Variants in AFAP1 observed in about 807,000 individuals in gnomAD.
AFAP1 encodes the protein actin filament-associated protein 1.
AFAP1 carries 75 observed loss-of-function variants against 93.9 expected under a neutral mutation model. The observed-to-expected ratio is 0.80, with a 90% CI of 0.66 to 0.97. The LOEUF is 0.97. AFAP1 is among the 50% of genes least tolerant of loss of function. AFAP1 has a pLI of 0.00. For synonymous variants in AFAP1, 517 were observed against 430.7 expected (o/e 1.20, Z -2.48); for missense variants, 1,201 against 1,050.8 (o/e 1.14, Z -1.98).
In AFAP1 at chr4:7,761,205, C is replaced by T. The variant is rs1201524174; in HGVS notation, c.*2560G>A. 1 of 152,214 alleles carries T rather than the reference C, an allele frequency of 6.6e-6. No homozygotes were observed. The highest frequency in any genetic ancestry group is 1.5e-5 in the Non-Finnish European group (1 of 68,022). The allele number at this position is 152,214 out of a possible 1,614,324, so 9.4% of individuals were successfully genotyped here. A position where few individuals can be genotyped will look rare whatever the true frequency, so the allele number is the denominator to read the frequency against. ...TAAATAACTTATTCTGAAGTAAATG[C>T]TTTAAACTTTGATGGAATGTGAAAT... On this transcript the variant is annotated 3_prime_UTR_variant, in exon 18 of 18. Coordinates refer to ENST00000420658, the MANE Select transcript of AFAP1 (RefSeq NM_001134647.2).
chr4:7,842,460 T>C (rs1279763980), intron 5 of AFAP1, among the ~76,000 whole-genome samples: 2 of 151,852 alleles, frequency 1.3e-5, no homozygotes, highest in African/African-American at 2.4e-5. Flanking sequence ...AAACATACTT[T>C]AAAGTTCATA....
chr4:7,901,186 A>G (rs1719094559), intron 1 of AFAP1, among the ~76,000 whole-genome samples: 1 of 152,244 alleles, frequency 6.6e-6, no homozygotes, highest in African/African-American at 2.4e-5. Flanking sequence ...AAATAAGGAT[A>G]ACACATAAGA....
At chr4:7,928,203 G>C (rs1450087417) in intron 1 of AFAP1, among the ~76,000 whole-genome samples, 1 of 152,112 alleles carries the variant, frequency 6.6e-6, no homozygotes, top group Non-Finnish European at 1.5e-5. Flanking sequence ...ACAGCCACCT[G>C]AGCTCTCTAT....
At chr4:7,773,069 A>G (rs1463466932) in intron 15 of AFAP1, 59 bp from the exon 16 acceptor site, 1 of 1,549,178 alleles carries the variant, frequency 6.5e-7, no homozygotes, top group Admixed American at 1.9e-5. Flanking sequence ...CAAACAACAG[A>G]GAAGGCACCT....
intron 1 of AFAP1, among the ~76,000 whole-genome samples, chr4:7,928,361 G>A (rs1019716610): frequency 6.6e-6 from 1 of 152,088 alleles, no homozygotes; most frequent in Non-Finnish European, 1.5e-5. Context: ...ACGTACCCAG[G>A]CTGGGTAAAA....
chr4:7,774,807 A>C lies in AFAP1; in HGVS notation c.1994T>G (p.Leu665Arg). Residue 665 changes from leucine to arginine, a missense_variant, in exon 15 of 18, where the codon CTG (leucine) becomes CGG (arginine). By Grantham distance (102) the Leu-to-Arg change is moderately radical. Coordinates refer to ENST00000420658, the MANE Select transcript of AFAP1 (RefSeq NM_001134647.2). The part of the protein sequence containing the change: ...EEELLKRKEA[L>R]RNRLAQLRKE... ...GCGGAGCTGGGCCAGCCTATTCCGC[A>C]GGGCCTCTTTCCTCTTCAGCAGCTC... 6.2e-7 allele frequency: 1 copy of C among 1,614,242 alleles called. No homozygotes were observed. The highest frequency in any genetic ancestry group is 2.2e-5 in the East Asian group (1 of 44,886).
rs115761167 is a variant in AFAP1 at position 7,857,203 on chromosome 4, G to C, written c.226-1629C>G. Among the ~76,000 whole-genome samples, 278 of 152,268 alleles carry C rather than the reference G, an allele frequency of 1.8e-3. 1 individual carries two copies. Among genetic ancestry groups the C allele is most frequent in the African/African-American group, 6.5e-3 (271 of 41,548 alleles). ...GAAATCTACTCAGTTACAGTTCCAA[G>C]TAGAAAAAGGTTCTATTGAAAGTAT... On this transcript the variant is annotated intron_variant, in intron 3 of 17. Coordinates refer to ENST00000420658, the MANE Select transcript of AFAP1 (RefSeq NM_001134647.2).
intron 11 of AFAP1, among the ~76,000 whole-genome samples, chr4:7,786,623 A>C (rs1577205989): frequency 8.4e-6 from 1 of 119,448 alleles, no homozygotes; most frequent in Admixed American, 8.5e-5. Flanking sequence ...TCCGTCTCTC[A>C]CTGTGGCCCC....
At chr4:7,849,001 G>A (rs1056979645) in intron 4 of AFAP1, among the ~76,000 whole-genome samples, 2 of 152,202 alleles carry the variant, frequency 1.3e-5, no homozygotes, top group Admixed American at 6.5e-5. Context: ...CGGTTAGGGC[G>A]TCACGACTTT....
chr4:7,847,135 C>A (rs1713794270), intron 4 of AFAP1, among the ~76,000 whole-genome samples: 1 of 152,294 alleles, frequency 6.6e-6, no homozygotes, highest in East Asian at 1.9e-4. Context: ...AATGAACTCT[C>A]CAGAAAGTAT....
rs1027175453 is a variant in AFAP1, at chr4:7,873,672, T to C, written c.-2-1592A>G. On this transcript the variant is annotated intron_variant, in intron 1 of 17. Coordinates refer to ENST00000420658, the MANE Select transcript of AFAP1 (RefSeq NM_001134647.2). ...CAACACACACCTTTTTAACGTATCA[T>C]TGAATGACATGGGAAGCACGCATGA... Among the ~76,000 whole-genome samples, 13 of 152,156 alleles carry C rather than the reference T, an allele frequency of 8.5e-5. No homozygotes were observed. In the South Asian group the frequency reaches 1.0e-3, roughly 12 times the overall value.
At chr4:7,831,328 A>T (rs943524132) in intron 6 of AFAP1, among the ~76,000 whole-genome samples, 2 of 151,552 alleles carry the variant, frequency 1.3e-5, no homozygotes, top group African/African-American at 4.9e-5. Context: ...AACAATTTAA[A>T]CTCTTTAGAA....
chr4:7,781,366 G>A lies in AFAP1; in HGVS notation c.1782+10C>T. On this transcript the variant is annotated intron_variant, in intron 13 of 17. Transcript: ENST00000420658. Reference sequence around the variant, plus strand: ...GTGGTTCTAGAATCTTACAGAAGAAGATGCCGTACCTGCGAGTTGAGCCCG... The same window carrying A: ...GTGGTTCTAGAATCTTACAGAAGAAAATGCCGTACCTGCGAGTTGAGCCCG... 2 of 1,550,834 alleles carry A rather than the reference G, an allele frequency of 1.3e-6. No homozygotes were observed. The highest frequency in any genetic ancestry group is 1.2e-5 in the South Asian group (1 of 83,988).
intron 3 of AFAP1, among the ~76,000 whole-genome samples, chr4:7,859,418 C>G (rs58273475): frequency 1.3e-5 from 2 of 151,410 alleles, no homozygotes; most frequent in African/African-American, 4.9e-5. Context: ...GACTCTGTCT[C>G]GAAAAAAAAT....
intron 6 of AFAP1, among the ~76,000 whole-genome samples, chr4:7,823,088 G>C (rs1721117523): frequency 6.6e-6 from 1 of 151,976 alleles, no homozygotes; most frequent in Non-Finnish European, 1.5e-5. Context: ...CAGGAAGCCT[G>C]CTCTGGCCCT....
chr4:7,764,450 G>A (rs1714267568), intron 17 of AFAP1, among the ~76,000 whole-genome samples: 1 of 152,202 alleles, frequency 6.6e-6, no homozygotes, highest in Admixed American at 6.5e-5. Context: ...AGTTTGGGAA[G>A]ATGAGAAAGT....
chr4:7,935,317 T>G (rs1721311688), intron 1 of AFAP1, among the ~76,000 whole-genome samples: 1 of 152,196 alleles, frequency 6.6e-6, no homozygotes. Flanking sequence ...GAAAAGTACT[T>G]GGACTTAACA....
intron 4 of AFAP1, among the ~76,000 whole-genome samples, chr4:7,849,850 ACAAAATG>A (rs911263293): frequency 6.6e-6 from 1 of 152,144 alleles, no homozygotes; most frequent in Non-Finnish European, 1.5e-5. Context: ...GCTACAAAAT[ACAAAATG>A]CAAGAGGGTC....
chr4:7,766,873 C>T (rs1279979809), intron 17 of AFAP1, among the ~76,000 whole-genome samples: 2 of 152,108 alleles, frequency 1.3e-5, no homozygotes, highest in African/African-American at 2.4e-5. Context: ...TCTGACTTTC[C>T]AGAACCCTCT....
Sources: gnomAD v4.1 joint callset for allele counts (sites outside exome capture counted in the v4.1 genomes callset) on GRCh38, gnomAD v4.1.1 for gene constraint, MANE v1.5 for transcripts, NCBI Gene and HGNC (gene_info 2026-07-23, HGNC 2026-07-21) for gene names.